GLIS3: variants seen among roughly 807,000 people sequenced by gnomAD.
The protein encoded by GLIS3 is zinc finger protein GLIS3.
GLIS3 carries 53 observed loss-of-function variants against 78.6 expected under a neutral mutation model. That is an observed-to-expected ratio of 0.67 (90% CI 0.54 to 0.85). The LOEUF is 0.85. GLIS3 is among the 40% of genes least tolerant of loss of function. GLIS3 has a pLI of 0.00. For missense variants in GLIS3, 1,703 were observed against 1,231.1 expected (o/e 1.38, Z -5.74); for synonymous variants, 684 against 509.9 (o/e 1.34, Z -4.60).
chr9:4,471,102 A>G, the GLIS3 span, among the ~76,000 whole-genome samples: 2 of 152,158 alleles, frequency 1.3e-5, no homozygotes, highest in Non-Finnish European at 2.9e-5. Context: ...AACGAAATAA[A>G]AGAGGACACA....
At chr9:4,191,068 A>G (rs1363149718) in intron 2 of GLIS3, among the ~76,000 whole-genome samples, 1 of 152,002 alleles carries the variant, frequency 6.6e-6, no homozygotes, top group Non-Finnish European at 1.5e-5. Flanking sequence ...GGTACCAGCC[A>G]CTGCAAAATC....
At chr9:3,878,889 TATGAA>T in intron 8 of GLIS3, 1 of 158,804 alleles carries the variant, frequency 6.3e-6, no homozygotes, top group Admixed American at 5.8e-5. Flanking sequence ...GAAACAGAAG[TATGAA>T]GGGCCTCGAA....
At chr9:3,996,253 T>C (rs1183550121) in intron 4 of GLIS3, among the ~76,000 whole-genome samples, 1 of 152,068 alleles carries the variant, frequency 6.6e-6, no homozygotes, top group South Asian at 2.1e-4. Context: ...CTAAAAGATG[T>C]CCTTCAGAAA....
intron 7 of GLIS3, 99 bp downstream of exon 7, chr9:3,898,592 G>T: frequency 1.4e-6 from 2 of 1,437,228 alleles, no homozygotes; most frequent in Non-Finnish European, 2.0e-6. Context: ...CAACACAGAC[G>T]ATCTTAGGAA....
At chr9:4,273,590 C>CATAAATAAATAAATAAATAA (rs60374376) in intron 2 of GLIS3, among the ~76,000 whole-genome samples, 35 of 144,084 alleles carry the variant, frequency 2.4e-4, no homozygotes, top group African/African-American at 7.6e-4. Flanking sequence ...AAGACCTTAT[C>CATAAATAAATAAATAAATAA]ATAAATAAAT....
upstream of GLIS3, among the ~76,000 whole-genome samples, chr9:4,350,053 G>C (rs1230840532): frequency 6.6e-6 from 1 of 152,222 alleles, no homozygotes; most frequent in African/African-American, 2.4e-5. Context: ...CAAACTGAGA[G>C]AGTCAGATTG....
At chr9:4,281,944 C>A (rs1250751830) in intron 2 of GLIS3, among the ~76,000 whole-genome samples, 3 of 152,188 alleles carry the variant, frequency 2.0e-5, no homozygotes, top group Non-Finnish European at 2.9e-5. Flanking sequence ...ACCTTTAACA[C>A]ACTGTTTGGG....
At chr9:4,279,766 A>G (rs1827383261) in intron 2 of GLIS3, among the ~76,000 whole-genome samples, 1 of 152,124 alleles carries the variant, frequency 6.6e-6, no homozygotes, top group Admixed American at 6.5e-5. Flanking sequence ...ATACTAGTTT[A>G]AAATGTTATT....
At chr9:4,270,295 C>G (rs1275501332) in intron 2 of GLIS3, among the ~76,000 whole-genome samples, 1 of 152,110 alleles carries the variant, frequency 6.6e-6, no homozygotes, top group Non-Finnish European at 1.5e-5. Flanking sequence ...AGAGGAAAGC[C>G]CAGACAATAA....
chr9:4,404,484 A>G, the GLIS3 span, among the ~76,000 whole-genome samples: 1 of 152,220 alleles, frequency 6.6e-6, no homozygotes, highest in Non-Finnish European at 1.5e-5. Context: ...AACAAGTCTT[A>G]AAGCATTCAA....
At chr9:4,244,252 G>A (rs550997220) in intron 2 of GLIS3, among the ~76,000 whole-genome samples, 3 of 152,262 alleles carry the variant, frequency 2.0e-5, no homozygotes, top group South Asian at 2.1e-4. Flanking sequence ...TGTGTGAAAC[G>A]TACATGGCAC....
At chr9:4,077,350 C>G (rs1013310842) in intron 4 of GLIS3, among the ~76,000 whole-genome samples, 2 of 152,158 alleles carry the variant, frequency 1.3e-5, no homozygotes, top group Non-Finnish European at 2.9e-5. Context: ...AAAAGAGATG[C>G]TGAGAAACTG....
intron 2 of GLIS3, among the ~76,000 whole-genome samples, chr9:4,337,474 C>T (rs1817771419): frequency 6.6e-6 from 1 of 152,090 alleles, no homozygotes; most frequent in East Asian, 1.9e-4. Flanking sequence ...TTGATTTAAA[C>T]GAATGAAGGC....
At chr9:3,914,413 G>T (rs1484069493) in intron 6 of GLIS3, among the ~76,000 whole-genome samples, 3 of 148,724 alleles carry the variant, frequency 2.0e-5, no homozygotes, top group Non-Finnish European at 4.5e-5. Flanking sequence ...GTGATCCTCT[G>T]GCCTCGGCCT....
At chr9:4,230,724 G>A (rs751694074) in intron 2 of GLIS3, among the ~76,000 whole-genome samples, 27 of 152,148 alleles carry the variant, frequency 1.8e-4, no homozygotes, top group Non-Finnish European at 3.1e-4. Context: ...AAAAGCATCC[G>A]TCAAAGAGGG....
chr9:4,040,197 A>C (rs1824680741), intron 4 of GLIS3, among the ~76,000 whole-genome samples: 1 of 152,226 alleles, frequency 6.6e-6, no homozygotes, highest in African/African-American at 2.4e-5. Context: ...GGGACATGTA[A>C]ATCACAGCCT....
intron 9 of GLIS3, among the ~76,000 whole-genome samples, chr9:3,831,938 C>G (rs1233284998): frequency 3.3e-5 from 5 of 151,698 alleles, no homozygotes; most frequent in Non-Finnish European, 7.4e-5. Context: ...GTTACCATAT[C>G]TATAGTTGTC....
intron 2 of GLIS3, among the ~76,000 whole-genome samples, chr9:4,178,839 C>T (rs539694860): frequency 6.6e-6 from 1 of 152,160 alleles, no homozygotes; most frequent in South Asian, 2.1e-4. Flanking sequence ...AAGAAACAAA[C>T]ATCTTTGAGG....
the GLIS3 span, among the ~76,000 whole-genome samples, chr9:4,413,363 AT>A: frequency 6.6e-6 from 1 of 152,202 alleles, no homozygotes; most frequent in Non-Finnish European, 1.5e-5. Flanking sequence ...TTAATAACAC[AT>A]TCTTGGTCTC....
Sources: gnomAD v4.1 joint callset for allele counts (sites outside exome capture counted in the v4.1 genomes callset) on GRCh38, gnomAD v4.1.1 for gene constraint, MANE v1.5 for transcripts, NCBI Gene and HGNC (gene_info 2026-07-23, HGNC 2026-07-21) for gene names.